RBM17: variants seen among roughly 807,000 people sequenced by gnomAD.
RBM17 encodes splicing factor 45.
RBM17 carries 7 observed loss-of-function variants against 53.2 expected under a neutral mutation model. The observed-to-expected ratio is 0.13, with a 90% CI of 0.07 to 0.25. The LOEUF is 0.25. RBM17 is among the 10% of genes least tolerant of loss of function. The pLI is 1.00. For synonymous variants in RBM17, 167 were observed against 178.1 expected, an observed-to-expected ratio of 0.94 and a Z score of 0.50; for missense variants, 257 against 496.7, an observed-to-expected ratio of 0.52 and a Z score of 4.59.
chr10:6,113,048 G>T (rs1184410047), intron 8 of RBM17: 1 of 181,670 alleles, frequency 5.5e-6, no homozygotes, highest in Non-Finnish European at 1.2e-5. Flanking sequence ...CACAGCTTAG[G>T]ATACATCACG....
At chr10:6,092,231 T>C (rs1343090474) in intron 1 of RBM17, among the ~76,000 whole-genome samples, 1 of 152,242 alleles carries the variant, frequency 6.6e-6, no homozygotes, top group Non-Finnish European at 1.5e-5. Context: ...AGCTTTTTGT[T>C]ACCTGGCAGC....
At chr10:6,110,737 G>C (rs1208287493) in intron 7 of RBM17, among the ~76,000 whole-genome samples, 1 of 152,172 alleles carries the variant, frequency 6.6e-6, no homozygotes, top group Admixed American at 6.5e-5. Flanking sequence ...TCACATGAAG[G>C]CTTTGTTCTG....
chr10:6,115,410 C>T, intron 11 of RBM17, 43 bp from the exon 12 acceptor site: 1 of 1,536,902 alleles, frequency 6.5e-7, no homozygotes, highest in Non-Finnish European at 9.0e-7. Flanking sequence ...AAACCTTTAT[C>T]TTATAGGATA....
chr10:6,113,405 A>G, intron 8 of RBM17, 103 bp from the exon 9 acceptor site: 1 of 792,176 alleles, frequency 1.3e-6, no homozygotes, highest in Non-Finnish European at 2.1e-6. Flanking sequence ...GGGGATCGCT[A>G]TTGAAATTAA....
intron 2 of RBM17, among the ~76,000 whole-genome samples, chr10:6,097,577 A>G (rs1840594745): frequency 2.0e-5 from 3 of 152,242 alleles, no homozygotes; most frequent in Non-Finnish European, 4.4e-5. Context: ...AGGCTGAGGC[A>G]GGAGAATGGC....
In RBM17 at chr10:6,113,561, A is replaced by G; in HGVS notation, c.910A>G (p.Thr304Ala). 6.2e-7 allele frequency: 1 copy of G among 1,613,026 alleles called. No homozygotes were observed. Among genetic ancestry groups the G allele is most frequent in the Non-Finnish European group, 8.5e-7 (1 of 1,179,036 alleles). ...GCTGACTGAAATACTTAAGTGTCCTACTAAAGTGGTCTTACTAAGGGTAAG... is the reference window on the plus strand; with the variant it reads ...GCTGACTGAAATACTTAAGTGTCCTGCTAAAGTGGTCTTACTAAGGGTAAG... ...NPLTEILKCP[T>A]KVVLLRNMVG... The change falls in exon 9 of 12, where the codon ACT (threonine) becomes GCT (alanine). Residue 304 changes from threonine (T) to alanine (A), a missense_variant. Thr to Ala is a moderately conservative substitution (Grantham distance 58). Coordinates refer to ENST00000379888, the MANE Select transcript of RBM17 (RefSeq NM_032905.5).
chr10:6,116,020 G>A lies in RBM17; in HGVS notation c.*464G>A, dbSNP rs1207722640. On this transcript the variant is annotated 3_prime_UTR_variant, in exon 12 of 12. Coordinates refer to ENST00000379888, the MANE Select transcript of RBM17 (RefSeq NM_032905.5). ...TGTAGTAAAGTATCATCTTGGCAGT[G>A]TGCCAAAGGTGAAAATGATGCTTTC... 1 of 152,442 alleles carries A rather than the reference G, an allele frequency of 6.6e-6. No individual in the cohort carries two copies. The highest frequency in any genetic ancestry group is 1.5e-5 in the Non-Finnish European group (1 of 68,160). 9.4% of individuals were successfully genotyped at this position (152,442 alleles called of 1,614,324 possible).
chr10:6,094,893 A>G (rs1013146107), intron 1 of RBM17, among the ~76,000 whole-genome samples: 11 of 152,104 alleles, frequency 7.2e-5, no homozygotes, highest in South Asian at 2.1e-4. Flanking sequence ...CTCATTTCCT[A>G]TTTAGCTGTG....
chr10:6,110,698 C>G (rs577803177), intron 7 of RBM17, among the ~76,000 whole-genome samples: 1 of 152,334 alleles, frequency 6.6e-6, no homozygotes, highest in African/African-American at 2.4e-5. Context: ...GACTTTGATC[C>G]TGTGAGACGG....
At position 6,112,526 on chromosome 10, in the gene RBM17, A is replaced by G. The variant is rs936261969; in HGVS notation, c.856+165A>G. 3 of 748,280 alleles carry G rather than the reference A, an allele frequency of 4.0e-6. No homozygotes were observed. Among genetic ancestry groups the G allele is most frequent in the African/African-American group, 3.5e-5 (2 of 56,686 alleles). 46.4% of individuals were successfully genotyped at this position (748,280 alleles called of 1,614,324 possible). ...CTAGAACACAGGCCGTCCTGTTCAT[A>G]TGATGCACTGCCACTTCCGTTTTGT... On this transcript the variant is annotated intron_variant, in intron 8 of 11. Coordinates refer to ENST00000379888, the MANE Select transcript of RBM17 (RefSeq NM_032905.5). The surrounding 1 kb of genome is among the most constrained non-coding windows in gnomAD (Gnocchi z 4.4).
At chr10:6,103,955 G>C (rs554266984) in intron 3 of RBM17, among the ~76,000 whole-genome samples, 1 of 152,128 alleles carries the variant, frequency 6.6e-6, no homozygotes, top group Non-Finnish European at 1.5e-5. Flanking sequence ...TTGTTGTTTT[G>C]CATGTGTGTT....
chr10:6,098,254 A>G (rs1840607502), intron 2 of RBM17, among the ~76,000 whole-genome samples: 1 of 152,200 alleles, frequency 6.6e-6, no homozygotes, highest in African/African-American at 2.4e-5. Flanking sequence ...CGTGTTGTGC[A>G]CAGTGTATCT....
intron 1 of RBM17, among the ~76,000 whole-genome samples, chr10:6,095,222 CT>C (rs954319725): frequency 1.9e-4 from 28 of 147,438 alleles, no homozygotes; most frequent in African/African-American, 3.2e-4. Context: ...CTTTTCTTTT[CT>C]TTTTTTTTTG....
In RBM17 at chr10:6,112,082, G is replaced by A; in HGVS notation, c.705-128G>A. 4.8e-6 allele frequency: 4 copies of A among 839,552 alleles called. No individual in the cohort carries two copies. Among genetic ancestry groups the A allele is most frequent in the East Asian group, 5.1e-5 (2 of 39,448 alleles). The allele number at this position is 839,552 out of a possible 1,614,324, so 52.0% of individuals were successfully genotyped here. On this transcript the variant is annotated intron_variant, in intron 7 of 11. Transcript: ENST00000379888. This position sits in a 1 kb window ranked among gnomAD's most constrained non-coding sequence, Gnocchi z 4.4. The stretch of plus-strand genomic sequence containing the variant: ...CTAATAGCCCACTCCTAGTTAATGA[G>A]TGACTTTGTTGAAGCCCCTGTGGAG...
At chr10:6,106,358 T>A in intron 5 of RBM17, 120 bp downstream of exon 5, 1 of 673,834 alleles carries the variant, frequency 1.5e-6, no homozygotes, top group Non-Finnish European at 2.6e-6. Context: ...GTAATTTTCT[T>A]TCTGGAATCC....
chr10:6,098,563 GTTTTTTTTTTTTTTTTTTTTT>G (rs398012715), intron 2 of RBM17, among the ~76,000 whole-genome samples: 1 of 46,642 alleles, frequency 2.1e-5, no homozygotes, highest in Non-Finnish European at 4.4e-5. Flanking sequence ...CAGGTTTTTT[GTTTTTTTTTTTTTTTTTTTTT>G]TTTTTTTTTG....
rs1840858130 is a variant in RBM17, at chr10:6,112,637, A to G, written c.856+276A>G. 1 of 452,872 alleles carries G rather than the reference A, an allele frequency of 2.2e-6. No homozygotes were observed. The highest frequency in any genetic ancestry group is 2.1e-5 in the South Asian group (1 of 48,174). The allele number at this position is 452,872 out of a possible 1,614,324, so 28.1% of individuals were successfully genotyped here. ...CTTGTGGAGGAAAAGATGGTGAGAG[A>G]CTTGGGCAGAAAATGAGTAGTCCTC... On this transcript the variant is annotated intron_variant, in intron 8 of 11. Transcript: ENST00000379888. This position sits in a 1 kb window ranked among gnomAD's most constrained non-coding sequence, Gnocchi z 4.4.
rs553689161 is a variant in RBM17, at chr10:6,111,718, C to T, written c.705-492C>T. ...AAGCTAGTCAGCTAATCTTGGCCTC[C>T]GTTTATTTCTCATTTGTTAAATAGG... On this transcript the variant is annotated intron_variant, in intron 7 of 11. Coordinates refer to ENST00000379888, the MANE Select transcript of RBM17 (RefSeq NM_032905.5). 5.3e-5 allele frequency among the ~76,000 whole-genome samples: 8 copies of T among 152,282 alleles called. No homozygotes were observed. The South Asian group carries it at 1.0e-3, about 20-fold the overall frequency.
intron 3 of RBM17, among the ~76,000 whole-genome samples, chr10:6,102,765 C>T (rs1588346861): frequency 1.3e-5 from 2 of 152,290 alleles, no homozygotes; most frequent in East Asian, 3.9e-4. Context: ...TTTGCTTTTA[C>T]ATTGCCTTTA....
Sources: gnomAD v4.1 joint callset for allele counts (sites outside exome capture counted in the v4.1 genomes callset) on GRCh38, gnomAD v4.1.1 for gene constraint, Gnocchi (gnomAD v3.1) non-coding constraint, MANE v1.5 for transcripts, NCBI Gene and HGNC (gene_info 2026-07-23, HGNC 2026-07-21) for gene names.